The following NEK5 variants were observed in gnomAD, a reference collection of about 807,000 sequenced individuals.
The protein encoded by NEK5 is NIMA related kinase 5, also known as serine/threonine-protein kinase Nek5.
In NEK5, 88 loss-of-function variants were observed where a neutral mutation model predicts 109.2. The ratio of observed to expected loss-of-function variants is 0.81; its 90% CI spans 0.68 to 0.96. The LOEUF is 0.96. Ranked by LOEUF, NEK5 falls within the 40% of genes least tolerant of loss-of-function variation. The pLI is 0.00. For missense variants in NEK5, 834 were observed against 920.7 expected, an observed-to-expected ratio of 0.91 and a Z score of 1.22; for synonymous variants, 283 against 299.9, an observed-to-expected ratio of 0.94 and a Z score of 0.58.
intron 23 of NEK5, among the ~76,000 whole-genome samples, chr13:52,038,321 C>G (rs894954016): frequency 6.6e-6 from 1 of 151,462 alleles, no homozygotes; most frequent in Admixed American, 6.6e-5. Context: ...GACTCCATCT[C>G]AAAACAAAAC....
intron 21 of NEK5, among the ~76,000 whole-genome samples, chr13:52,064,307 T>G (rs1281266481): frequency 8.5e-6 from 1 of 117,652 alleles, no homozygotes; most frequent in Non-Finnish European, 1.8e-5. Context: ...TACTGGGAAG[T>G]GAGGAGCCCC....
intron 17 of NEK5, among the ~76,000 whole-genome samples, chr13:52,079,907 C>A (rs1260871472): frequency 1.3e-5 from 2 of 151,916 alleles, no homozygotes; most frequent in Non-Finnish European, 2.9e-5. Context: ...CGCCTTTGCC[C>A]CGCCGCCCCG....
At chr13:52,045,693 A>G (rs1954452336) in intron 23 of NEK5, among the ~76,000 whole-genome samples, 1 of 137,212 alleles carries the variant, frequency 7.3e-6, no homozygotes, top group African/African-American at 2.7e-5. Flanking sequence ...TGAACCTGGG[A>G]GGTGGAGCTT....
intron 12 of NEK5, 96 bp downstream of exon 12, chr13:52,099,647 C>T (rs1035794726): frequency 3.4e-5 from 47 of 1,362,364 alleles, no homozygotes; most frequent in Non-Finnish European, 4.2e-5. Flanking sequence ...TCCAGCCTGG[C>T]GACAGAGCGA....
At chr13:52,045,402 C>T (rs1158618768) in intron 23 of NEK5, among the ~76,000 whole-genome samples, 5 of 149,654 alleles carry the variant, frequency 3.3e-5, no homozygotes, top group Non-Finnish European at 7.4e-5. Flanking sequence ...AGTGCTGCCG[C>T]GCCCGGCCAG....
intron 3 of NEK5, 88 bp downstream of exon 3, chr13:52,127,278 T>TA: frequency 1.3e-6 from 1 of 759,680 alleles, no homozygotes; most frequent in African/African-American, 1.8e-5. Flanking sequence ...TTCGAAATTA[T>TA]AAAAAATAAA....
chr13:52,079,141 T>C (rs998597108), intron 17 of NEK5, among the ~76,000 whole-genome samples: 3 of 152,160 alleles, frequency 2.0e-5, no homozygotes, highest in Non-Finnish European at 4.4e-5. Flanking sequence ...TGCTAGAAAC[T>C]TCACCAGGAG....
At chr13:52,075,895 G>A (rs1176909973) in intron 18 of NEK5, 69 bp from the exon 19 acceptor site, 6 of 1,080,974 alleles carry the variant, frequency 5.6e-6, no homozygotes, top group Non-Finnish European at 4.0e-6. Flanking sequence ...CAACTCCCTA[G>A]GTCAATTTTG....
At chr13:52,107,272 G>A (rs1017869669) in intron 8 of NEK5, among the ~76,000 whole-genome samples, 10 of 152,236 alleles carry the variant, frequency 6.6e-5, no homozygotes, top group African/African-American at 2.4e-4. Flanking sequence ...TATACTGAGT[G>A]GTGAAGTTAA....
At chr13:52,045,606 A>G (rs1954451315) in intron 23 of NEK5, among the ~76,000 whole-genome samples, 2 of 147,132 alleles carry the variant, frequency 1.4e-5, no homozygotes, top group Non-Finnish European at 3.0e-5. Flanking sequence ...TCTACCAAAA[A>G]TACAAAAAAT....
intron 12 of NEK5, among the ~76,000 whole-genome samples, chr13:52,095,752 G>A (rs1396413616): frequency 1.3e-5 from 2 of 152,182 alleles, no homozygotes; most frequent in Non-Finnish European, 2.9e-5. Flanking sequence ...TGGGCATCAT[G>A]GTGCATACCG....
At chr13:52,057,516 T>C (rs1374229662) in intron 22 of NEK5, among the ~76,000 whole-genome samples, 7 of 152,134 alleles carry the variant, frequency 4.6e-5, no homozygotes, top group Admixed American at 2.0e-4. Flanking sequence ...TTTAGACCAA[T>C]ATCCTTGATG....
intron 23 of NEK5, among the ~76,000 whole-genome samples, chr13:52,037,957 CT>C (rs1300720116): frequency 1.3e-5 from 2 of 150,882 alleles, no homozygotes; most frequent in East Asian, 3.9e-4. Context: ...CTCACAGCTA[CT>C]AATTCATAGA....
intron 23 of NEK5, among the ~76,000 whole-genome samples, chr13:52,045,322 G>A (rs1215163546): frequency 3.3e-5 from 5 of 149,800 alleles, no homozygotes; most frequent in Non-Finnish European, 7.4e-5. Flanking sequence ...AGTAGAGATG[G>A]GGTTTCACCG....
At chr13:52,061,369 GC>G (rs1237142428) in intron 22 of NEK5, among the ~76,000 whole-genome samples, 1 of 152,164 alleles carries the variant, frequency 6.6e-6, no homozygotes, top group East Asian at 1.9e-4. Context: ...CTGGTCTGCG[GC>G]CCGAGGGTTG....
At chr13:52,039,007 C>G (rs2140877512) in intron 23 of NEK5, among the ~76,000 whole-genome samples, 1 of 152,136 alleles carries the variant, frequency 6.6e-6, no homozygotes, top group South Asian at 2.1e-4. Flanking sequence ...ATATTCAAAA[C>G]AGGAGACAGG....
At chr13:52,067,860 T>C (rs1208537967) in intron 20 of NEK5, among the ~76,000 whole-genome samples, 6 of 151,742 alleles carry the variant, frequency 4.0e-5, no homozygotes, top group African/African-American at 1.2e-4. Flanking sequence ...CCTGGCTAAT[T>C]TTTGTATTTT....
chr13:52,064,371 G>A lies in NEK5; in HGVS notation c.1975+1113C>T, dbSNP rs1476757737. Among the ~76,000 whole-genome samples, 86 of 141,954 alleles carry A rather than the reference G, an allele frequency of 6.1e-4. 1 individual carries two copies. The highest frequency in any genetic ancestry group is 9.2e-4 in the Non-Finnish European group (59 of 63,904). The allele number at this position is 141,954 out of a possible 152,430, so 93.1% of individuals were successfully genotyped here. ...GGGAGGTGGGGGGGTCAGCCCCCCC[G>A]CCCGGCCAGCCGCCCCGTCCGGGAG... On this transcript the variant is annotated intron_variant, in intron 21 of 23. Transcript: ENST00000684899.
chr13:52,096,463 T>C (rs1346163441), intron 12 of NEK5, among the ~76,000 whole-genome samples: 2 of 152,158 alleles, frequency 1.3e-5, no homozygotes, highest in Admixed American at 6.5e-5. Context: ...GAGGAACTTA[T>C]TGAGAAATGC....
Sources: gnomAD v4.1 joint callset for allele counts (sites outside exome capture counted in the v4.1 genomes callset) on GRCh38, gnomAD v4.1.1 for gene constraint, MANE v1.5 for transcripts, NCBI Gene and HGNC (gene_info 2026-07-23, HGNC 2026-07-21) for gene names.